The following ANK3 variants were observed in gnomAD, a reference collection of about 807,000 sequenced individuals.
The protein encoded by ANK3 is ankyrin-3.
In ANK3, 57 loss-of-function variants were observed where a neutral mutation model predicts 370.9. The observed-to-expected ratio is 0.15, with a 90% CI of 0.12 to 0.19. ANK3 has a LOEUF of 0.19. ANK3 is among the 10% of genes least tolerant of loss of function. The pLI is 1.00. For synonymous variants in ANK3, 1,929 were observed against 1,946.3 expected, an observed-to-expected ratio of 0.99 and a Z score of 0.23; for missense variants, 4,439 against 5,302.1, an observed-to-expected ratio of 0.84 and a Z score of 5.06.
At chr10:60,572,380 A>C in intron 2 of ANK3, 1 of 1,338,906 alleles carries the variant, frequency 7.5e-7, no homozygotes, top group Non-Finnish European at 1.0e-6. Context: ...TCTAAAGCCA[A>C]TCTCTTAAAA....
chr10:60,130,581 A>T (rs2094007461), intron 25 of ANK3, among the ~76,000 whole-genome samples: 1 of 152,234 alleles, frequency 6.6e-6, no homozygotes, highest in Non-Finnish European at 1.5e-5. Flanking sequence ...TTACTGTGGA[A>T]GAGCTATATT....
chr10:60,082,491 G>A, intron 34 of ANK3, 124 bp downstream of exon 34: 3 of 1,306,372 alleles, frequency 2.3e-6, no homozygotes, highest in Non-Finnish European at 3.1e-6. Flanking sequence ...ATCTACACGA[G>A]GAGACTAATA....
At chr10:60,055,263 G>A (rs2131911385) in intron 42 of ANK3, among the ~76,000 whole-genome samples, 1 of 152,242 alleles carries the variant, frequency 6.6e-6, no homozygotes, top group South Asian at 2.1e-4. Flanking sequence ...AGCCAGAAAG[G>A]ATCAGAATGA....
At chr10:60,645,020 A>G (rs1426436047) in intron 1 of ANK3, among the ~76,000 whole-genome samples, 1 of 152,040 alleles carries the variant, frequency 6.6e-6, no homozygotes, top group Non-Finnish European at 1.5e-5. Context: ...TATTTACTGT[A>G]AAAATTTATG....
intron 18 of ANK3, among the ~76,000 whole-genome samples, chr10:60,179,451 T>C (rs922707551): frequency 1.3e-5 from 2 of 152,110 alleles, no homozygotes; most frequent in African/African-American, 4.8e-5. Flanking sequence ...TCCCAGCATT[T>C]TGGGAGGCCA....
intron 1 of ANK3, among the ~76,000 whole-genome samples, chr10:60,306,267 T>C (rs1339996433): frequency 6.6e-6 from 1 of 152,012 alleles, no homozygotes; most frequent in African/African-American, 2.4e-5. Context: ...TTTGTGTCCA[T>C]CATAGCTTAG....
intron 26 of ANK3, among the ~76,000 whole-genome samples, chr10:60,111,399 C>T (rs901188310): frequency 3.3e-5 from 5 of 152,126 alleles, no homozygotes; most frequent in Admixed American, 6.6e-5. Context: ...ATTCATTAAA[C>T]AGGACATGGG....
At chr10:60,297,491 T>G (rs2042786604) in intron 1 of ANK3, among the ~76,000 whole-genome samples, 1 of 152,120 alleles carries the variant, frequency 6.6e-6, no homozygotes, top group African/African-American at 2.4e-5. Context: ...TTATCAACAG[T>G]CCAATTAGAA....
chr10:60,196,360 C>T (rs2132402416), intron 15 of ANK3, 117 bp from the exon 16 acceptor site: 1 of 1,027,970 alleles, frequency 9.7e-7, no homozygotes, highest in Non-Finnish European at 1.5e-6. Context: ...ATTCCGGTTT[C>T]CACAGTACTT....
chr10:60,191,746 T>A (rs2132385866), intron 16 of ANK3, among the ~76,000 whole-genome samples: 1 of 152,268 alleles, frequency 6.6e-6, no homozygotes, highest in Admixed American at 6.5e-5. Flanking sequence ...TGGTTAGGTA[T>A]TTCCCAAAGG....
At chr10:60,395,678 G>A (rs2132888507) in intron 2 of ANK3, among the ~76,000 whole-genome samples, 1 of 148,372 alleles carries the variant, frequency 6.7e-6, no homozygotes, top group East Asian at 2.0e-4. Context: ...TAGAGGTGAG[G>A]CATGAAGATA....
intron 43 of ANK3, among the ~76,000 whole-genome samples, chr10:60,035,546 C>A (rs2074766752): frequency 6.6e-6 from 1 of 151,568 alleles, no homozygotes; most frequent in South Asian, 2.1e-4. Context: ...AGCCACTGCG[C>A]CCGGCCAAAA....
At chr10:60,727,590 T>C (rs1377081896) in intron 1 of ANK3, among the ~76,000 whole-genome samples, 1 of 152,192 alleles carries the variant, frequency 6.6e-6, no homozygotes, top group African/African-American at 2.4e-5. Context: ...ATTAGACATG[T>C]ACACATACCA....
chr10:60,250,934 G>A (rs189349103), intron 7 of ANK3, among the ~76,000 whole-genome samples: 26 of 152,282 alleles, frequency 1.7e-4, no homozygotes, highest in Non-Finnish European at 2.9e-4. Flanking sequence ...ATTGGATTAC[G>A]TCAAAGCCCA....
At chr10:60,482,659 G>A (rs552639215) in intron 2 of ANK3, among the ~76,000 whole-genome samples, 145 of 152,076 alleles carry the variant, frequency 9.5e-4, no homozygotes, top group Admixed American at 2.5e-3. Flanking sequence ...GCTAATTTTT[G>A]TAATTTTTGT....
chr10:60,138,145 G>C (rs1421673119), intron 24 of ANK3, among the ~76,000 whole-genome samples: 1 of 152,128 alleles, frequency 6.6e-6, no homozygotes, highest in African/African-American at 2.4e-5. Flanking sequence ...GGTTTACTTT[G>C]TGGGAAGTGC....
intron 23 of ANK3, among the ~76,000 whole-genome samples, chr10:60,156,829 A>C (rs555813526): frequency 6.6e-6 from 1 of 152,102 alleles, no homozygotes; most frequent in Non-Finnish European, 1.5e-5. Flanking sequence ...ATGGCTAAAA[A>C]CAAGCCTATA....
At chr10:60,309,331 G>A (rs2045854138) in intron 1 of ANK3, among the ~76,000 whole-genome samples, 1 of 152,196 alleles carries the variant, frequency 6.6e-6, no homozygotes, top group Admixed American at 6.5e-5. Flanking sequence ...ATATATAAAT[G>A]TGAAGCATGC....
chr10:60,372,326 C>T (rs1057397615), intron 1 of ANK3, among the ~76,000 whole-genome samples: 4 of 152,148 alleles, frequency 2.6e-5, no homozygotes, highest in Non-Finnish European at 4.4e-5. Flanking sequence ...ATGATCTAGA[C>T]AATCCACACA....
Sources: allele counts gnomAD v4.1 joint callset (sites outside exome capture counted in the v4.1 genomes callset), GRCh38; gene constraint gnomAD v4.1.1; transcripts MANE v1.5; gene names NCBI Gene and HGNC (gene_info 2026-07-23, HGNC 2026-07-21).